The following DNAH17 variants were observed in gnomAD, a reference collection of about 807,000 sequenced individuals.
DNAH17 encodes the protein axonemal beta dynein heavy chain 17.
In DNAH17, 376 loss-of-function variants were observed where a neutral mutation model predicts 485.6. That is an observed-to-expected ratio of 0.77 (90% CI 0.71 to 0.84). The LOEUF is 0.84. DNAH17 is among the 40% of genes least tolerant of loss of function. DNAH17 has a pLI of 0.00. For synonymous variants in DNAH17, 3,031 were observed against 2,405.9 expected (o/e 1.26, Z -7.60); for missense variants, 6,370 against 5,839.3 (o/e 1.09, Z -2.96).
chr17:78,571,817 G>A (rs2092362771), intron 3 of DNAH17, 35 bp from the exon 4 acceptor site: 2 of 1,539,474 alleles, frequency 1.3e-6, no homozygotes, highest in African/African-American at 1.4e-5. Flanking sequence ...TGCTCTCATG[G>A]CGACACACAC....
At chr17:78,484,751 G>GCCCCCC in intron 48 of DNAH17, 117 bp downstream of exon 48, 1 of 135,818 alleles carries the variant, frequency 7.4e-6, no homozygotes, top group Non-Finnish European at 1.2e-5. Context: ...CCCCCCCACC[G>GCCCCCC]CCCCACACCA....
intron 36 of DNAH17, 137 bp downstream of exon 36, chr17:78,500,168 C>T: frequency 1.0e-6 from 1 of 993,338 alleles, no homozygotes; most frequent in Non-Finnish European, 1.4e-6. Flanking sequence ...AGTGGGGGCC[C>T]TGGCACCTCC....
At chr17:78,485,079 A>G (rs1304428066) in intron 47 of DNAH17, 46 bp from the exon 48 acceptor site, 3 of 1,552,036 alleles carry the variant, frequency 1.9e-6, no homozygotes, top group Admixed American at 2.0e-5. Flanking sequence ...CTCCTGAGCC[A>G]GAGCCTGTTA....
chr17:78,533,740 A>T (rs1042231654), intron 19 of DNAH17, among the ~76,000 whole-genome samples: 2 of 152,180 alleles, frequency 1.3e-5, no homozygotes, highest in African/African-American at 4.8e-5. Flanking sequence ...GCCGGAGTGC[A>T]GTGGCCCGAT....
rs1173336751 is a variant in DNAH17 at position 78,571,645 on chromosome 17, A to G, written c.677T>C (p.Val226Ala). Reference protein sequence around the residue: ...LLDGLHPLPQVEFEFWDTRLL... With the variant: ...LLDGLHPLPQAEFEFWDTRLL... The stretch of plus-strand genomic sequence containing the variant: ...CCGAGTGTCCCAGAACTCGAACTCC[A>G]CTTGGGGCAGGGGGTGCAGCCCATC... The change falls in exon 4 of 81, where the codon GTG becomes GCG. Residue 226 changes from valine to alanine, a missense_variant. Physicochemically the swap from Val to Ala is moderately conservative, Grantham distance 64 (BLOSUM62 0). Coordinates refer to ENST00000389840, the MANE Select transcript of DNAH17 (RefSeq NM_173628.4). 5 of 1,613,858 alleles carry G rather than the reference A, an allele frequency of 3.1e-6. No individual in the cohort carries two copies. Among genetic ancestry groups the G allele is most frequent in the African/African-American group, 1.3e-5 (1 of 74,924 alleles).
In DNAH17 at chr17:78,498,996, A is replaced by AG; in HGVS notation, c.5745+11dup. ...CCGACGTGACCCCGAGGCCGCAGGC[A>AG]GGGGACTTTACCTGCACGGCAATCA... On this transcript the variant is annotated intron_variant, in intron 37 of 80. Transcript: ENST00000389840. The AG allele has an allele frequency of 6.3e-7, 1 of 1,597,778 alleles. No individual in the cohort carries two copies. Among genetic ancestry groups the AG allele is most frequent in the Non-Finnish European group, 8.5e-7 (1 of 1,172,104 alleles).
chr17:78,574,520 T>A (rs2092405680), intron 2 of DNAH17, among the ~76,000 whole-genome samples, 193 bp downstream of exon 2: 1 of 151,412 alleles, frequency 6.6e-6, no homozygotes, highest in Non-Finnish European at 1.5e-5. Context: ...AAAAAAAATT[T>A]AAAAACCAAA....
At chr17:78,451,442 C>T (rs963575350) in intron 66 of DNAH17, 27 bp downstream of exon 66, 8 of 1,587,288 alleles carry the variant, frequency 5.0e-6, no homozygotes, top group Non-Finnish European at 6.0e-6. Flanking sequence ...GCACCTCCTC[C>T]CGTGTGACCA....
At chr17:78,472,623 G>A (rs1453936237) in intron 54 of DNAH17, 1 of 409,304 alleles carries the variant, frequency 2.4e-6, no homozygotes, top group East Asian at 9.1e-5. Flanking sequence ...GGCCCCGGGG[G>A]CTGTGTGTGG....
intron 79 of DNAH17, among the ~76,000 whole-genome samples, chr17:78,425,825 G>C (rs1282647321): frequency 6.8e-6 from 1 of 147,702 alleles, no homozygotes; most frequent in South Asian, 2.1e-4. Context: ...GAGTGCAGTG[G>C]TGCAATCTTG....
At chr17:78,562,493 G>A (rs1162882877) in intron 11 of DNAH17, among the ~76,000 whole-genome samples, 3 of 152,054 alleles carry the variant, frequency 2.0e-5, no homozygotes, top group African/African-American at 7.2e-5. Context: ...TTTTGGGTGT[G>A]CGCTTATAGT....
Position 78,497,514 on chromosome 17 carries a change from G to A in DNAH17, c.5746-1482C>T, listed in dbSNP as rs543553794. Among the ~76,000 whole-genome samples, 3 of 152,330 alleles carry A rather than the reference G, an allele frequency of 2.0e-5. No homozygotes were observed. In the East Asian group the frequency reaches 5.8e-4, roughly 29 times the overall value. ...GTGAACATTCAGTGCCCAGAGTAGG[G>A]GCTATATAAATATTCTGGGGTTTGT... On this transcript the variant is annotated intron_variant, in intron 37 of 80. Transcript: ENST00000389840.
chr17:78,466,780 G>A lies in DNAH17; in HGVS notation c.8815C>T (p.Arg2939Trp), dbSNP rs9912060. 8.7e-6 allele frequency: 14 copies of A among 1,602,948 alleles called. No homozygotes were observed. The highest frequency in any genetic ancestry group is 3.4e-5 in the South Asian group (3 of 89,364). ...GCTGGGAACTTTCTGGCTCGTACCC[G>A]CAGCACGGAGCCCACAGGGGAGAAA... ...LCFSPVGSVL[R>W]VRARKFPAVV... Residue 2939 changes from arginine to tryptophan, a missense_variant, in exon 56 of 81, where the codon CGG becomes TGG. Coordinates refer to ENST00000389840, the MANE Select transcript of DNAH17 (RefSeq NM_173628.4).
In DNAH17 at chr17:78,484,915, C is replaced by G. The variant is rs772079244; in HGVS notation, c.7602G>C (p.Thr2534=). 1.6e-4 allele frequency: 263 copies of G among 1,599,346 alleles called. No individual in the cohort carries two copies. The highest frequency in any genetic ancestry group is 2.2e-4 in the Non-Finnish European group (256 of 1,172,732). Reference sequence around the variant, plus strand: ...GCCGGATGAGGGTGTGCGGGGCCACCGTCCCATACTTGTCCACCTCGGGCA... The same window carrying G: ...GCCGGATGAGGGTGTGCGGGGCCACGGTCCCATACTTGTCCACCTCGGGCA... ...MNMPEVDKYG[T]VAPHTLIRQH... is the part of the protein sequence containing the mutation. The change falls in exon 48 of 81, where the codon ACG becomes ACC. Residue 2534 remains threonine (T), a synonymous_variant. Coordinates refer to ENST00000389840, the MANE Select transcript of DNAH17 (RefSeq NM_173628.4).
chr17:78,496,020 G>A lies in DNAH17; in HGVS notation c.5758C>T (p.Gln1920Ter). The A allele has an allele frequency of 6.2e-7, 1 of 1,613,558 alleles. No homozygotes were observed. The highest frequency in any genetic ancestry group is 2.2e-5 in the East Asian group (1 of 44,868). Residue 1920 changes from glutamine (Q) to a stop codon, truncating the protein, a stop_gained, in exon 38 of 81, where the codon CAG becomes TAG. Transcript: ENST00000389840. LOFTEE classifies it high-confidence loss of function. ...TTTTTCTTGGCCCGAATTGCATCCTGGACACATTTTACCTGCACGGTTGGT... is the reference window on the plus strand; with the variant it reads ...TTTTTCTTGGCCCGAATTGCATCCTAGACACATTTTACCTGCACGGTTGGT... Reference protein sequence around the residue: ...SVIAVQVKCVQDAIRAKKKAF... With the variant: ...SVIAVQVKCV
chr17:78,429,090 G>A lies in DNAH17; in HGVS notation c.12405+31C>T, dbSNP rs558920216. ...ACCGGGAGGCACGAGCCTTCATTAC[G>A]TTGAGCTCCTGTTTAACTTGTCATC... On this transcript the variant is annotated intron_variant, in intron 76 of 80. Transcript: ENST00000389840. 1.2e-5 allele frequency: 20 copies of A among 1,603,854 alleles called. No homozygotes were observed. The East Asian group carries it at 3.1e-4, about 25-fold the overall frequency.
intron 52 of DNAH17, among the ~76,000 whole-genome samples, chr17:78,476,343 C>T (rs570856903): frequency 5.4e-5 from 5 of 92,318 alleles, no homozygotes; most frequent in East Asian, 3.2e-4. Context: ...AGCCACGTGC[C>T]GGAGTTATCG....
At chr17:78,445,489 C>T (rs2087245549) in intron 70 of DNAH17, 69 bp downstream of exon 70, 9 of 1,522,124 alleles carry the variant, frequency 5.9e-6, no homozygotes, top group Admixed American at 2.1e-5. Context: ...TGGAAACATC[C>T]GCAGCATCAG....
intron 14 of DNAH17, among the ~76,000 whole-genome samples, chr17:78,553,283 G>GGTGTTTT (rs2091944708): frequency 1.6e-4 from 8 of 51,018 alleles, no homozygotes; most frequent in African/African-American, 7.2e-4. Context: ...AGGTTTTTGT[G>GGTGTTTT]TTTTTTTTTT....
Sources: gnomAD v4.1 joint callset for allele counts (sites outside exome capture counted in the v4.1 genomes callset) on GRCh38, gnomAD v4.1.1 for gene constraint, MANE v1.5 for transcripts, NCBI Gene and HGNC (gene_info 2026-07-23, HGNC 2026-07-21) for gene names.